Variants in SFRP1 observed in about 807,000 individuals in gnomAD.
SFRP1 encodes secreted frizzled related protein 1.
In SFRP1, 9 loss-of-function variants were observed where a neutral mutation model predicts 25.9. The ratio of observed to expected loss-of-function variants is 0.35; its 90% CI spans 0.21 to 0.61. SFRP1 has a LOEUF of 0.61. SFRP1 is among the 20% of genes least tolerant of loss of function. The pLI is 0.78. For missense variants in SFRP1, 346 were observed against 418.2 expected (o/e 0.83, Z 1.51); for synonymous variants, 178 against 174.0 (o/e 1.02, Z -0.18).
At chr8:41,290,251 C>T (rs1396489525) in intron 2 of SFRP1, among the ~76,000 whole-genome samples, 6 of 152,248 alleles carry the variant, frequency 3.9e-5, no homozygotes, top group Non-Finnish European at 8.8e-5. Context: ...TGCACAGAGG[C>T]ATAAACACAC....
At chr8:41,279,629 G>A (rs1803610491) in intron 2 of SFRP1, among the ~76,000 whole-genome samples, 3 of 152,076 alleles carry the variant, frequency 2.0e-5, no homozygotes, top group Admixed American at 2.0e-4. Flanking sequence ...TTTCTACTGG[G>A]GATAGCTGCT....
chr8:41,304,047 C>A (rs79621152), intron 1 of SFRP1, among the ~76,000 whole-genome samples: 43 of 152,288 alleles, frequency 2.8e-4, no homozygotes, highest in African/African-American at 1.0e-3. Context: ...CTCCAGCTCT[C>A]GGCCCCTGAA....
intron 1 of SFRP1, 39 bp from the exon 2 acceptor site, chr8:41,303,577 C>T (rs766809889): frequency 1.6e-4 from 244 of 1,552,536 alleles, no homozygotes; most frequent in Admixed American, 1.1e-3. Context: ...CTGTAAGTTA[C>T]AGAGCAGGAA....
chr8:41,303,551 G>T lies in SFRP1; in HGVS notation c.545-13C>A. ...CACACCGTTGTGCCTGGGAAAGGAAGTAGGGAGAAACGGAACTGTAAGTTA... is the reference window on the plus strand; with the variant it reads ...CACACCGTTGTGCCTGGGAAAGGAATTAGGGAGAAACGGAACTGTAAGTTA... On this transcript the variant is annotated splice_polypyrimidine_tract_variant and intron_variant, in intron 1 of 2. Coordinates refer to ENST00000220772, the MANE Select transcript of SFRP1 (RefSeq NM_003012.5). 1 of 1,609,082 alleles carries T rather than the reference G, an allele frequency of 6.2e-7. No individual in the cohort carries two copies. The highest frequency in any genetic ancestry group is 8.5e-7 in the Non-Finnish European group (1 of 1,175,464).
At chr8:41,275,554 G>A (rs910483154) in intron 2 of SFRP1, among the ~76,000 whole-genome samples, 1 of 151,772 alleles carries the variant, frequency 6.6e-6, no homozygotes, top group Non-Finnish European at 1.5e-5. Context: ...CCAGGCTGGA[G>A]TGCAGTGGCG....
chr8:41,296,756 T>C (rs961014859), intron 2 of SFRP1, among the ~76,000 whole-genome samples: 4 of 152,178 alleles, frequency 2.6e-5, no homozygotes, highest in Admixed American at 2.0e-4. Flanking sequence ...CCCTCAAACA[T>C]AGGCCCTGCT....
intron 2 of SFRP1, among the ~76,000 whole-genome samples, chr8:41,289,871 T>C (rs1303233409): frequency 2.0e-5 from 3 of 152,162 alleles, no homozygotes; most frequent in African/African-American, 4.8e-5. Context: ...TGGAGGATAG[T>C]GGATTAGCAG....
At chr8:41,293,395 G>A (rs966512227) in intron 2 of SFRP1, among the ~76,000 whole-genome samples, 1 of 152,198 alleles carries the variant, frequency 6.6e-6, no homozygotes, top group Non-Finnish European at 1.5e-5. Flanking sequence ...AATGCGAAGC[G>A]AGTTGTTATA....
intron 2 of SFRP1, among the ~76,000 whole-genome samples, chr8:41,266,267 G>A (rs1803434725): frequency 1.3e-5 from 2 of 152,110 alleles, no homozygotes; most frequent in African/African-American, 4.8e-5. Flanking sequence ...ATCGGTGCCA[G>A]GAGATCCTCA....
intron 2 of SFRP1, among the ~76,000 whole-genome samples, chr8:41,272,704 C>A (rs1462522050): frequency 6.6e-6 from 1 of 151,792 alleles, no homozygotes; most frequent in Non-Finnish European, 1.5e-5. Flanking sequence ...AGATGGGAAA[C>A]AGAGGAAAGA....
intron 2 of SFRP1, among the ~76,000 whole-genome samples, chr8:41,288,221 T>G (rs933218023): frequency 6.6e-6 from 1 of 151,736 alleles, no homozygotes; most frequent in Non-Finnish European, 1.5e-5. Flanking sequence ...AGCCAGTTGT[T>G]GTGGGACGTG....
intron 2 of SFRP1, among the ~76,000 whole-genome samples, chr8:41,281,683 C>G (rs113671512): frequency 0.013 from 1,998 of 152,326 alleles, 42 homozygotes; most frequent in African/African-American, 0.043. Context: ...CCCTCATATA[C>G]TGCACACACC....
At chr8:41,303,352 A>T in intron 2 of SFRP1, 109 bp downstream of exon 2, 3 of 798,530 alleles carry the variant, frequency 3.8e-6, no homozygotes, top group Non-Finnish European at 6.5e-6. Context: ...GGAATGAGGT[A>T]GAGAATATGG....
In SFRP1 at chr8:41,289,240, A is replaced by C. The variant is rs191459368; in HGVS notation, c.622+14221T>G. Among the ~76,000 whole-genome samples the C allele has an allele frequency of 1.5e-4, 23 of 152,298 alleles. No homozygotes were observed. The East Asian group carries it at 4.2e-3, about 28-fold the overall frequency. The stretch of plus-strand genomic sequence containing the variant: ...AGAGTTTTTGCCACAGACCAAAACC[A>C]CCTAACTGCAGAGCTGGAGGACACT... On this transcript the variant is annotated intron_variant, in intron 2 of 2. Coordinates refer to ENST00000220772, the MANE Select transcript of SFRP1 (RefSeq NM_003012.5).
chr8:41,307,764 C>T (rs1465422591), intron 1 of SFRP1, among the ~76,000 whole-genome samples: 2 of 152,082 alleles, frequency 1.3e-5, no homozygotes, highest in Non-Finnish European at 2.9e-5. Context: ...GCTCTTTAAA[C>T]ATAAGGGGGT....
chr8:41,274,735 G>C (rs1187937467), intron 2 of SFRP1, among the ~76,000 whole-genome samples: 1 of 152,128 alleles, frequency 6.6e-6, no homozygotes, highest in East Asian at 1.9e-4. Flanking sequence ...TGCAGTTTTT[G>C]TTAAAAACCA....
At chr8:41,307,161 G>A (rs189510641) in intron 1 of SFRP1, among the ~76,000 whole-genome samples, 3 of 152,232 alleles carry the variant, frequency 2.0e-5, no homozygotes, top group Non-Finnish European at 4.4e-5. Flanking sequence ...AACACAAGGC[G>A]CTTTGTTTGC....
intron 2 of SFRP1, among the ~76,000 whole-genome samples, chr8:41,283,112 C>G (rs1275394832): frequency 2.6e-5 from 4 of 152,200 alleles, no homozygotes; most frequent in African/African-American, 9.6e-5. Context: ...CATCCTGTTT[C>G]TTCCTCTCTT....
chr8:41,286,394 C>A (rs1200967830), intron 2 of SFRP1, among the ~76,000 whole-genome samples: 1 of 152,170 alleles, frequency 6.6e-6, no homozygotes, highest in East Asian at 1.9e-4. Flanking sequence ...AGGGACACAA[C>A]TGTGAAGGCA....
Sources: allele counts gnomAD v4.1 joint callset (sites outside exome capture counted in the v4.1 genomes callset), GRCh38; gene constraint gnomAD v4.1.1; transcripts MANE v1.5; gene names NCBI Gene and HGNC (gene_info 2026-07-23, HGNC 2026-07-21).